Variants in CDK14 observed in about 807,000 individuals in gnomAD.
The protein encoded by CDK14 is cyclin-dependent kinase 14.
A neutral mutation model predicts 60.7 loss-of-function variants in CDK14; 34 were observed. That is an observed-to-expected ratio of 0.56 (90% CI 0.43 to 0.75). The LOEUF (loss-of-function observed/expected upper bound fraction) is 0.75. Among genes scored for constraint, CDK14 ranks in the 30% least tolerant of loss-of-function variants. CDK14 has a pLI of 0.00. For synonymous variants in CDK14, 197 were observed against 203.7 expected (o/e 0.97, Z 0.28); for missense variants, 482 against 564.1 (o/e 0.85, Z 1.47).
chr7:90,831,548 C>T (rs1789910309), intron 5 of CDK14, among the ~76,000 whole-genome samples: 1 of 152,150 alleles, frequency 6.6e-6, no homozygotes, highest in Non-Finnish European at 1.5e-5. Context: ...ACTGACTTGG[C>T]TCTTTCAGCC....
At chr7:90,733,523 T>G (rs1023702055) in intron 3 of CDK14, among the ~76,000 whole-genome samples, 10 of 152,236 alleles carry the variant, frequency 6.6e-5, no homozygotes, top group Non-Finnish European at 1.2e-4. Context: ...TGCATATATA[T>G]TTAGGATAGT....
intron 5 of CDK14, among the ~76,000 whole-genome samples, chr7:90,847,863 T>A (rs1790515907): frequency 6.6e-6 from 1 of 152,212 alleles, no homozygotes; most frequent in South Asian, 2.1e-4. Flanking sequence ...AAATGCAGGT[T>A]CAAGGGCTAC....
At chr7:90,882,277 AAGC>A (rs1768799883) in intron 6 of CDK14, among the ~76,000 whole-genome samples, 2 of 151,666 alleles carry the variant, frequency 1.3e-5, no homozygotes, top group South Asian at 4.2e-4. Context: ...AAAAAAAAAA[AAGC>A]AGGGATTGGA....
chr7:91,176,941 C>T (rs1469406526), intron 14 of CDK14, among the ~76,000 whole-genome samples: 1 of 152,132 alleles, frequency 6.6e-6, no homozygotes, highest in Non-Finnish European at 1.5e-5. Context: ...AGGAGGGAAT[C>T]CTCCCTAACT....
chr7:90,715,844 A>C lies in CDK14; in HGVS notation c.124-10723A>C, dbSNP rs115928082. On this transcript the variant is annotated intron_variant, in intron 2 of 14. Coordinates refer to ENST00000380050, the MANE Select transcript of CDK14 (RefSeq NM_001287135.2). Reference sequence around the variant, plus strand: ...ATTGGAAAACGCTGTGTTTTGTAGAATCTCAAAACAAAGTCACCCGCTTGC... The same window carrying C: ...ATTGGAAAACGCTGTGTTTTGTAGACTCTCAAAACAAAGTCACCCGCTTGC... Among the ~76,000 whole-genome samples, 550 of 151,766 alleles carry C rather than the reference A, an allele frequency of 3.6e-3. 10 individuals are homozygous for C. The highest frequency in any genetic ancestry group is 0.013 in the African/African-American group (529 of 41,410).
At chr7:90,604,274 G>A (rs749476947) in intron 2 of CDK14, 25 bp downstream of exon 2, 1 of 1,445,294 alleles carries the variant, frequency 6.9e-7, no homozygotes, top group Non-Finnish European at 9.4e-7. Flanking sequence ...TTTATCTAAT[G>A]TTAGATGTAT....
intron 8 of CDK14, among the ~76,000 whole-genome samples, chr7:90,920,303 C>A (rs1475508084): frequency 6.6e-6 from 1 of 152,092 alleles, no homozygotes; most frequent in African/African-American, 2.4e-5. Context: ...GTGAACAAAA[C>A]CGTAAATTTT....
At chr7:91,140,768 C>G (rs1800431673) in intron 14 of CDK14, among the ~76,000 whole-genome samples, 1 of 152,076 alleles carries the variant, frequency 6.6e-6, no homozygotes, top group Non-Finnish European at 1.5e-5. Flanking sequence ...AAGTATTTAG[C>G]ACAATACTTG....
intron 14 of CDK14, among the ~76,000 whole-genome samples, chr7:91,159,060 G>A (rs892422306): frequency 2.0e-5 from 3 of 152,310 alleles, no homozygotes; most frequent in East Asian, 3.9e-4. Context: ...AGTTGATATT[G>A]TAGTAACCAG....
chr7:90,713,213 A>G (rs574923201), intron 2 of CDK14, among the ~76,000 whole-genome samples: 78 of 151,936 alleles, frequency 5.1e-4, no homozygotes, highest in Non-Finnish European at 9.0e-4. Context: ...TTCTGAGGGG[A>G]CCCTTTTTAG....
At chr7:90,658,018 G>T (rs185942374) in intron 2 of CDK14, among the ~76,000 whole-genome samples, 6 of 152,092 alleles carry the variant, frequency 3.9e-5, no homozygotes, top group Non-Finnish European at 8.8e-5. Context: ...ATTTAGATTT[G>T]TCTGACTTTT....
At chr7:90,953,413 C>T (rs1467157230) in intron 8 of CDK14, among the ~76,000 whole-genome samples, 1 of 152,028 alleles carries the variant, frequency 6.6e-6, no homozygotes, top group Non-Finnish European at 1.5e-5. Context: ...TAGTCTTTGG[C>T]CTAAACATGT....
intron 14 of CDK14, among the ~76,000 whole-genome samples, chr7:91,172,916 G>C (rs1172967398): frequency 6.6e-6 from 1 of 152,072 alleles, no homozygotes; most frequent in Admixed American, 6.5e-5. Flanking sequence ...TGTTAGGTAT[G>C]TTTCACATCC....
intron 7 of CDK14, among the ~76,000 whole-genome samples, chr7:90,917,069 C>A (rs1323988857): frequency 6.6e-6 from 1 of 152,136 alleles, no homozygotes; most frequent in Non-Finnish European, 1.5e-5. Context: ...ATTAATTAGA[C>A]AATATGACTG....
chr7:91,087,937 A>G (rs1798686483), intron 12 of CDK14, among the ~76,000 whole-genome samples: 1 of 152,182 alleles, frequency 6.6e-6, no homozygotes, highest in Non-Finnish European at 1.5e-5. Flanking sequence ...ATTTGTTCTT[A>G]GTCTTGAAAC....
At chr7:90,828,648 G>T (rs553342067) in intron 5 of CDK14, among the ~76,000 whole-genome samples, 79 of 152,132 alleles carry the variant, frequency 5.2e-4, no homozygotes, top group African/African-American at 1.9e-3. Flanking sequence ...TGACAGCTAT[G>T]TCTGACTGAG....
At chr7:90,954,947 A>G (rs1159333284) in intron 8 of CDK14, among the ~76,000 whole-genome samples, 1 of 151,488 alleles carries the variant, frequency 6.6e-6, no homozygotes. Context: ...TAGAGGGAAA[A>G]AAAAACAGAC....
chr7:90,759,672 A>T (rs1001361993), intron 4 of CDK14, among the ~76,000 whole-genome samples: 58 of 152,168 alleles, frequency 3.8e-4, no homozygotes, highest in African/African-American at 1.2e-3. Context: ...AGTGGGTATG[A>T]GTCTTTGCTC....
chr7:91,197,958 C>G (rs751601985), intron 14 of CDK14, among the ~76,000 whole-genome samples: 14 of 152,286 alleles, frequency 9.2e-5, no homozygotes, highest in African/African-American at 2.6e-4. Context: ...ATCAGTTGTT[C>G]GTTGGCACTG....
Sources: gnomAD v4.1 joint callset for allele counts (sites outside exome capture counted in the v4.1 genomes callset) on GRCh38, gnomAD v4.1.1 for gene constraint, MANE v1.5 for transcripts, NCBI Gene and HGNC (gene_info 2026-07-23, HGNC 2026-07-21) for gene names.